The following DPP6 variants were observed in gnomAD, a reference collection of about 807,000 sequenced individuals.
The protein encoded by DPP6 is A-type potassium channel modulatory protein DPP6.
In DPP6, 69 loss-of-function variants were observed where a neutral mutation model predicts 122.6. The ratio of observed to expected loss-of-function variants is 0.56; its 90% CI spans 0.46 to 0.69. The LOEUF (loss-of-function observed/expected upper bound fraction) is 0.69. Among genes scored for constraint, DPP6 ranks in the 30% least tolerant of loss-of-function variants. The pLI is 0.00. For synonymous variants in DPP6, 418 were observed against 433.1 expected (o/e 0.97, Z 0.43); for missense variants, 928 against 1,116.9 (o/e 0.83, Z 2.41).
chr7:154,001,398 G>C lies in DPP6; in HGVS notation c.51+113664G>C, dbSNP rs201686108. On this transcript the variant is annotated intron_variant, in intron 1 of 25. Coordinates refer to the DPP6 transcript ENST00000404039. ...TGTGGAGAGGATAGGACTTGGTGAT[G>C]TCCAACTATTGAGCTCTTTCTTCAA... Among the ~76,000 whole-genome samples the C allele has an allele frequency of 0.013, 1,972 of 146,888 alleles. 92 individuals are homozygous for C. The East Asian group carries it at 0.15, about 11-fold the overall frequency.
rs527395265 is a variant in DPP6 at position 154,128,388 on chromosome 7, A to C, written c.243+75325A>C. Among the ~76,000 whole-genome samples the C allele has an allele frequency of 4.3e-3, 651 of 152,298 alleles. 7 individuals carry two copies. Among genetic ancestry groups the C allele is most frequent in the African/African-American group, 0.015 (603 of 41,546 alleles). On this transcript the variant is annotated intron_variant, in intron 1 of 25. Transcript: ENST00000377770. ...TGAGCCCAGGAATTCGAGACTGGGCAACATAGTGAGACTGTCTATTTTTCT... is the reference window on the plus strand; with the variant it reads ...TGAGCCCAGGAATTCGAGACTGGGCCACATAGTGAGACTGTCTATTTTTCT...
intron 1 of DPP6, among the ~76,000 whole-genome samples, chr7:154,155,727 G>A (rs1245954801): frequency 1.3e-5 from 2 of 152,216 alleles, no homozygotes; most frequent in Non-Finnish European, 2.9e-5. Flanking sequence ...GTTTCAGAAT[G>A]TGTCTGATCC....
intron 1 of DPP6, among the ~76,000 whole-genome samples, chr7:154,283,197 C>G (rs1213959610): frequency 6.6e-6 from 1 of 152,110 alleles, no homozygotes; most frequent in African/African-American, 2.4e-5. Context: ...TCCTAGGTCA[C>G]TCATTTGAGA....
rs189971259 is a variant in DPP6, at chr7:154,767,968, G to A, written c.884-1449G>A. Reference sequence around the variant, plus strand: ...GGGGAGCGAGGCTCAATGAGCTGCAGCATCCCCATCAGTGCCATGCCAGAT... The same window carrying A: ...GGGGAGCGAGGCTCAATGAGCTGCAACATCCCCATCAGTGCCATGCCAGAT... On this transcript the variant is annotated intron_variant, in intron 8 of 25. Coordinates refer to ENST00000377770, the MANE Select transcript of DPP6 (RefSeq NM_130797.4). 7.9e-5 allele frequency among the ~76,000 whole-genome samples: 12 copies of A among 152,332 alleles called. No individual in the cohort carries two copies. The East Asian group carries it at 1.4e-3, about 17-fold the overall frequency.
intron 1 of DPP6, among the ~76,000 whole-genome samples, chr7:154,332,681 G>C (rs913518290): frequency 6.6e-6 from 1 of 152,226 alleles, no homozygotes; most frequent in Admixed American, 6.5e-5. Flanking sequence ...ACAGTTGTTT[G>C]TTCATGGATC....
chr7:153,789,521 A>G, the DPP6 span, among the ~76,000 whole-genome samples: 1 of 152,228 alleles, frequency 6.6e-6, no homozygotes, highest in East Asian at 1.9e-4. Flanking sequence ...GAGAAATAAG[A>G]CAATCAGAAG....
chr7:153,951,812 G>T (rs1428072605), intron 1 of DPP6, among the ~76,000 whole-genome samples: 2 of 152,124 alleles, frequency 1.3e-5, no homozygotes, highest in Non-Finnish European at 2.9e-5. Context: ...GGAGGCTGAG[G>T]TGTGGGGATC....
intron 1 of DPP6, among the ~76,000 whole-genome samples, chr7:154,087,794 T>C (rs2150543115): frequency 6.6e-6 from 1 of 152,334 alleles, no homozygotes; most frequent in East Asian, 1.9e-4. Flanking sequence ...CAGGTATTTA[T>C]TATCCAAAGC....
chr7:153,985,300 G>T (rs537895135), intron 1 of DPP6, among the ~76,000 whole-genome samples: 1 of 152,218 alleles, frequency 6.6e-6, no homozygotes, highest in Non-Finnish European at 1.5e-5. Context: ...ACTGGACAAA[G>T]TTGTGTCTTT....
At chr7:154,704,849 G>A (rs527685247) in intron 7 of DPP6, among the ~76,000 whole-genome samples, 1 of 152,282 alleles carries the variant, frequency 6.6e-6, no homozygotes, top group African/African-American at 2.4e-5. Context: ...TATTGTGGTG[G>A]TTGGTGGTCT....
chr7:154,811,352 A>T (rs955603040), intron 16 of DPP6, among the ~76,000 whole-genome samples: 3 of 152,240 alleles, frequency 2.0e-5, no homozygotes, highest in Non-Finnish European at 4.4e-5. Flanking sequence ...CCATGGGGAA[A>T]GCTGAGCAGG....
chr7:154,345,053 T>C (rs1383050344), intron 1 of DPP6, among the ~76,000 whole-genome samples: 1 of 152,222 alleles, frequency 6.6e-6, no homozygotes, highest in Non-Finnish European at 1.5e-5. Flanking sequence ...TGGGCTGCTA[T>C]ACCAAGATAC....
chr7:154,645,016 G>C (rs930322281), intron 6 of DPP6, among the ~76,000 whole-genome samples: 19 of 151,254 alleles, frequency 1.3e-4, no homozygotes, highest in Admixed American at 1.3e-3. Context: ...TTGAAGAGGG[G>C]AGAATTCCAC....
the DPP6 span, among the ~76,000 whole-genome samples, chr7:153,777,825 G>A: frequency 1.4e-5 from 2 of 142,316 alleles, no homozygotes; most frequent in Non-Finnish European, 3.0e-5. Flanking sequence ...TAGTTAATAC[G>A]TGATTTTATC....
the DPP6 span, among the ~76,000 whole-genome samples, chr7:153,832,520 A>G: frequency 6.6e-6 from 1 of 152,226 alleles, no homozygotes; most frequent in Non-Finnish European, 1.5e-5. Context: ...TCCACTTTTC[A>G]CAAGTTGCTT....
At chr7:154,284,596 C>T (rs1043124578) in intron 1 of DPP6, among the ~76,000 whole-genome samples, 6 of 152,288 alleles carry the variant, frequency 3.9e-5, no homozygotes, top group South Asian at 2.1e-4. Context: ...GGCTTACGCC[C>T]GTAATCCCAG....
rs566693982 is a variant in DPP6 at position 154,585,293 on chromosome 7, T to G, written c.627+18377T>G. ...ACGTTTTTGCTGTTTTGGTGAAATA[T>G]GTAATACTAGGATAGACTATGGAAG... On this transcript the variant is annotated intron_variant, in intron 5 of 25. Transcript: ENST00000377770. Among the ~76,000 whole-genome samples, 72 of 152,370 alleles carry G rather than the reference T, an allele frequency of 4.7e-4. 1 individual carries two copies. In the South Asian group the frequency reaches 0.012, roughly 25 times the overall value.
At chr7:154,532,719 A>T (rs1035835851) in intron 3 of DPP6, among the ~76,000 whole-genome samples, 3 of 152,000 alleles carry the variant, frequency 2.0e-5, no homozygotes, top group Non-Finnish European at 2.9e-5. Flanking sequence ...TAATTAATAG[A>T]AAATGCATGC....
intron 7 of DPP6, among the ~76,000 whole-genome samples, chr7:154,673,571 A>G (rs1240522583): frequency 6.6e-6 from 1 of 152,194 alleles, no homozygotes; most frequent in African/African-American, 2.4e-5. Context: ...CACTTCTGTG[A>G]TGATGCTGGT....
Sources: gnomAD v4.1 joint callset for allele counts (sites outside exome capture counted in the v4.1 genomes callset) on GRCh38, gnomAD v4.1.1 for gene constraint, MANE v1.5 for transcripts, NCBI Gene and HGNC (gene_info 2026-07-23, HGNC 2026-07-21) for gene names.